CDH12: variants seen among roughly 807,000 people sequenced by gnomAD.
CDH12 encodes the protein cadherin 12.
Under a neutral mutation model 74.1 loss-of-function variants are expected in CDH12, and 41 were observed. That is an observed-to-expected ratio of 0.55 (90% CI 0.43 to 0.72). CDH12 has a LOEUF of 0.72. Ranked by LOEUF, CDH12 falls within the 30% of genes least tolerant of loss-of-function variation. The probability of loss-of-function intolerance (pLI) is 0.00; values close to 1 mark genes in which losing one functional copy is unlikely to be tolerated. For synonymous variants in CDH12, 399 were observed against 355.0 expected, an observed-to-expected ratio of 1.12 and a Z score of -1.39; for missense variants, 945 against 977.2, an observed-to-expected ratio of 0.97 and a Z score of 0.44.
At chr5:22,339,542 C>A (rs754678221) in intron 3 of CDH12, among the ~76,000 whole-genome samples, 11 of 152,044 alleles carry the variant, frequency 7.2e-5, no homozygotes, top group Non-Finnish European at 1.5e-4. Flanking sequence ...ATAAATGAAG[C>A]TAATGATTCA....
At chr5:21,873,256 G>A (rs1751742863) in intron 6 of CDH12, among the ~76,000 whole-genome samples, 1 of 152,088 alleles carries the variant, frequency 6.6e-6, no homozygotes, top group South Asian at 2.1e-4. Context: ...ATTTCATGGA[G>A]GCAATTGGCT....
chr5:21,910,239 T>G (rs906754548), intron 6 of CDH12, among the ~76,000 whole-genome samples: 2 of 152,014 alleles, frequency 1.3e-5, no homozygotes, highest in African/African-American at 4.8e-5. Flanking sequence ...CAAATTGCCT[T>G]AAGGGGAAAA....
chr5:22,517,559 A>T (rs1736861835), intron 1 of CDH12, among the ~76,000 whole-genome samples: 1 of 152,206 alleles, frequency 6.6e-6, no homozygotes, highest in African/African-American at 2.4e-5. Flanking sequence ...AGAAAACCAC[A>T]CTATTAAAAT....
chr5:22,512,337 T>C (rs926798716), intron 1 of CDH12, among the ~76,000 whole-genome samples: 1 of 152,118 alleles, frequency 6.6e-6, no homozygotes, highest in African/African-American at 2.4e-5. Flanking sequence ...TAAAGATAAA[T>C]CCTCTTGTAA....
intron 3 of CDH12, among the ~76,000 whole-genome samples, chr5:22,281,278 G>A (rs1043228672): frequency 6.6e-6 from 1 of 151,972 alleles, no homozygotes; most frequent in African/African-American, 2.4e-5. Context: ...ATACTGAATG[G>A]GCAACACCTG....
chr5:22,621,131 C>A (rs755000329), intron 1 of CDH12, among the ~76,000 whole-genome samples: 7 of 152,156 alleles, frequency 4.6e-5, no homozygotes, highest in Non-Finnish European at 7.4e-5. Context: ...GGCTTCTAGC[C>A]TCTTTGTTCA....
chr5:22,673,300 A>G (rs1740999722), intron 1 of CDH12, among the ~76,000 whole-genome samples: 2 of 152,188 alleles, frequency 1.3e-5, no homozygotes, highest in African/African-American at 4.8e-5. Context: ...AAGTAGAGTA[A>G]CCACTTTTGG....
intron 7 of CDH12, among the ~76,000 whole-genome samples, chr5:21,853,752 GT>G (rs1750600681): frequency 6.6e-6 from 1 of 151,604 alleles, no homozygotes; most frequent in Admixed American, 6.6e-5. Flanking sequence ...TCAAATGCAT[GT>G]TGGTATTTAA....
chr5:21,884,742 C>A (rs1184926856), intron 6 of CDH12, among the ~76,000 whole-genome samples: 1 of 152,042 alleles, frequency 6.6e-6, no homozygotes, highest in African/African-American at 2.4e-5. Flanking sequence ...TATGTGACAA[C>A]CTTTGTGTAA....
At position 21,963,124 on chromosome 5, in the gene CDH12, T is replaced by G. The variant is rs574173520; in HGVS notation, c.526+11967A>C. 6.8e-5 allele frequency among the ~76,000 whole-genome samples: 10 copies of G among 147,566 alleles called. No individual in the cohort carries two copies. In the East Asian group the frequency reaches 1.4e-3, roughly 20 times the overall value. ...ATAGATAGATAGATAGATAGATAGATAGAGAGATGATATAGATAGAGATTT... is the reference window on the plus strand; with the variant it reads ...ATAGATAGATAGATAGATAGATAGAGAGAGAGATGATATAGATAGAGATTT... On this transcript the variant is annotated intron_variant, in intron 6 of 14. Transcript: ENST00000382254.
At chr5:22,729,941 A>G (rs564087629) in intron 1 of CDH12, among the ~76,000 whole-genome samples, 3 of 152,038 alleles carry the variant, frequency 2.0e-5, no homozygotes, top group East Asian at 1.9e-4. Flanking sequence ...CATATACAAA[A>G]TTATTCAGAG....
At chr5:22,185,426 C>T (rs1179681942) in intron 4 of CDH12, among the ~76,000 whole-genome samples, 10 of 152,004 alleles carry the variant, frequency 6.6e-5, no homozygotes, top group African/African-American at 2.4e-4. Context: ...CTTTGATTCA[C>T]ATATCAAGGC....
At chr5:22,405,044 T>C (rs1742880640) in intron 3 of CDH12, among the ~76,000 whole-genome samples, 1 of 152,026 alleles carries the variant, frequency 6.6e-6, no homozygotes, top group Admixed American at 6.6e-5. Flanking sequence ...ACCCCATTTC[T>C]ACTATAAATA....
At chr5:22,822,736 G>C (rs1749774150) in intron 1 of CDH12, among the ~76,000 whole-genome samples, 1 of 152,134 alleles carries the variant, frequency 6.6e-6, no homozygotes, top group African/African-American at 2.4e-5. Flanking sequence ...GGAAACAACA[G>C]GTGCTGGAGA....
At chr5:22,771,288 G>A (rs1746791269) in intron 1 of CDH12, among the ~76,000 whole-genome samples, 1 of 152,056 alleles carries the variant, frequency 6.6e-6, no homozygotes, top group East Asian at 1.9e-4. Flanking sequence ...ATTGCAGCAA[G>A]TAATAAAACC....
At chr5:21,811,050 G>T (rs1339499450) in intron 9 of CDH12, among the ~76,000 whole-genome samples, 2 of 152,018 alleles carry the variant, frequency 1.3e-5, no homozygotes, top group Non-Finnish European at 2.9e-5. Flanking sequence ...TCTTTGTGAA[G>T]AGTAATATCA....
chr5:22,501,211 G>A (rs951337771), intron 2 of CDH12, among the ~76,000 whole-genome samples: 2 of 152,156 alleles, frequency 1.3e-5, no homozygotes, highest in Non-Finnish European at 2.9e-5. Context: ...TAAAATGCAT[G>A]TAAATGACCT....
chr5:22,201,326 C>T (rs1014577359), intron 4 of CDH12, among the ~76,000 whole-genome samples: 6 of 152,198 alleles, frequency 3.9e-5, no homozygotes, highest in South Asian at 2.1e-4. Flanking sequence ...ATATACAAAA[C>T]GGAATACTAT....
rs182408710 is a variant in CDH12, at chr5:22,229,811, C to T, written c.-332-17168G>A. 3.0e-3 allele frequency among the ~76,000 whole-genome samples: 452 copies of T among 152,042 alleles called. 3 individuals carry two copies. The highest frequency in any genetic ancestry group is 4.1e-3 in the Non-Finnish European group (279 of 67,990). ...ACTCTGTATTTAATGTGCTTTGAGT[C>T]AATAATCCCAGAGTCTTGAAGCCAG... is the stretch of plus-strand genomic sequence containing the variant. On this transcript the variant is annotated intron_variant, in intron 3 of 14. Coordinates refer to ENST00000382254, the MANE Select transcript of CDH12 (RefSeq NM_004061.5).
Sources: allele counts gnomAD v4.1 joint callset (sites outside exome capture counted in the v4.1 genomes callset), GRCh38; gene constraint gnomAD v4.1.1; transcripts MANE v1.5; gene names NCBI Gene and HGNC (gene_info 2026-07-23, HGNC 2026-07-21).